The following VHL variants were observed in gnomAD, a reference collection of about 807,000 sequenced individuals.
VHL encodes the protein von Hippel-Lindau tumor suppressor.
Under a neutral mutation model 19.2 loss-of-function variants are expected in VHL, and 10 were observed. The ratio of observed to expected loss-of-function variants is 0.52; its 90% CI spans 0.32 to 0.89. The LOEUF (loss-of-function observed/expected upper bound fraction) is 0.89. Among genes scored for constraint, VHL ranks in the 40% least tolerant of loss-of-function variants. The pLI, the probability that VHL is intolerant of heterozygous loss-of-function variation, is 0.03. For missense variants in VHL, 328 were observed against 292.7 expected (o/e 1.12, Z -0.88); for synonymous variants, 167 against 129.5 (o/e 1.29, Z -1.97).
At position 10,141,921 on chromosome 3, in the gene VHL, C is replaced by T. The variant is rs35460768; in HGVS notation, c.74C>T (p.Pro25Leu). ...AEEAGVEEYG[P>L]EEDGGEESGA... is the part of the protein sequence containing the mutation. ...GAGGCAGGCGTCGAAGAGTACGGCC[C>T]TGAAGAAGACGGCGGGGAGGAGTCG... Residue 25 changes from proline to leucine, a missense_variant, in exon 1 of 3, where the codon CCT (proline) becomes CTT (leucine). By Grantham distance (98) the Pro-to-Leu change is moderately conservative. Transcript: ENST00000256474. 4.5e-3 allele frequency: 6,920 copies of T among 1,539,538 alleles called. 22 individuals carry two copies. The highest frequency in any genetic ancestry group is 5.4e-3 in the Non-Finnish European group (6,211 of 1,141,350).
intron 2 of VHL, among the ~76,000 whole-genome samples, chr3:10,149,442 T>C (rs1413804462): frequency 6.6e-6 from 1 of 152,218 alleles, no homozygotes; most frequent in Non-Finnish European, 1.5e-5. Flanking sequence ...GTGGTCTCTC[T>C]AGCAGGGTAG....
chr3:10,142,361 T>TTTC (rs1553619486), intron 1 of VHL, among the ~76,000 whole-genome samples, 174 bp downstream of exon 1: 2 of 149,500 alleles, frequency 1.3e-5, no homozygotes, highest in Non-Finnish European at 3.0e-5. Flanking sequence ...TTTTTTTTTT[T>TTTC]CTGAGACGGA....
chr3:10,146,151 C>G (rs1467637124), intron 1 of VHL, among the ~76,000 whole-genome samples: 1 of 150,342 alleles, frequency 6.7e-6, no homozygotes. Context: ...AAATAGGTGC[C>G]CTGACTCAGA....
intron 1 of VHL, 102 bp downstream of exon 1, chr3:10,142,289 C>T: frequency 1.5e-6 from 2 of 1,346,144 alleles, no homozygotes; most frequent in Non-Finnish European, 2.0e-6. Context: ...AACTGAGGCC[C>T]CTTGAGGCAG....
rs1205177414 is a variant in VHL, at chr3:10,153,608, T to G, written c.*3643T>G. Among the ~76,000 whole-genome samples, 2 of 31,162 alleles carry G rather than the reference T, an allele frequency of 6.4e-5. No individual in the cohort carries two copies. Among genetic ancestry groups the G allele is most frequent in the Admixed American group, 2.8e-4 (1 of 3,582 alleles). 20.4% of individuals were successfully genotyped at this position (31,162 alleles called of 152,430 possible). A position where few individuals can be genotyped will look rare whatever the true frequency, so the allele number is the denominator to read the frequency against. On this transcript the variant is annotated 3_prime_UTR_variant, in exon 3 of 3. Coordinates refer to ENST00000256474, the MANE Select transcript of VHL (RefSeq NM_000551.4). ...GTGAAGTTCCTATTTCAAGTTTTTTTTTTTTTTTTTTTTTTTAAAGCTGTT... is the reference window on the plus strand; with the variant it reads ...GTGAAGTTCCTATTTCAAGTTTTTTGTTTTTTTTTTTTTTTTAAAGCTGTT...
At chr3:10,149,526 C>T (rs1032857503) in intron 2 of VHL, among the ~76,000 whole-genome samples, 15 of 152,138 alleles carry the variant, frequency 9.9e-5, no homozygotes, top group Admixed American at 1.3e-4. Flanking sequence ...TTGCCAGTGT[C>T]GCTTCATCCA....
Position 10,142,007 on chromosome 3 carries a change from A to T in VHL, c.160A>T (p.Met54Leu), listed in dbSNP as rs1696125033. The T allele has an allele frequency of 1.3e-6, 2 of 1,587,026 alleles. No homozygotes were observed. The highest frequency in any genetic ancestry group is 1.7e-6 in the Non-Finnish European group (2 of 1,168,276). ...GPEELGAEEE[M>L]EAGRPRPVLR... ...GGAGGAACTGGGCGCCGAGGAGGAGATGGAGGCCGGGCGGCCGCGGCCCGT... is the reference window on the plus strand; with the variant it reads ...GGAGGAACTGGGCGCCGAGGAGGAGTTGGAGGCCGGGCGGCCGCGGCCCGT... Residue 54 changes from methionine (M) to leucine (L), a missense_variant, in exon 1 of 3, where the codon ATG (methionine) becomes TTG (leucine). Physicochemically the swap from Met to Leu is conservative, Grantham distance 15 (BLOSUM62 2). Coordinates refer to ENST00000256474, the MANE Select transcript of VHL (RefSeq NM_000551.4).
intron 2 of VHL, among the ~76,000 whole-genome samples, chr3:10,147,886 G>A (rs958907012): frequency 6.6e-6 from 1 of 151,974 alleles, no homozygotes; most frequent in Non-Finnish European, 1.5e-5. Flanking sequence ...GAGACCAGGA[G>A]TTCTTGACCA....
chr3:10,153,092 C>T lies in VHL; in HGVS notation c.*3127C>T, dbSNP rs964784624. On this transcript the variant is annotated 3_prime_UTR_variant, in exon 3 of 3. Coordinates refer to ENST00000256474, the MANE Select transcript of VHL (RefSeq NM_000551.4). Reference sequence around the variant, plus strand: ...GAAATCGAGACCATCCTGGCTAACACGGGTGAAACCCCGTCTCTATTAAAA... The same window carrying T: ...GAAATCGAGACCATCCTGGCTAACATGGGTGAAACCCCGTCTCTATTAAAA... Among the ~76,000 whole-genome samples the T allele has an allele frequency of 3.9e-5, 6 of 151,988 alleles. No individual in the cohort carries two copies. The highest frequency in any genetic ancestry group is 2.1e-4 in the South Asian group (1 of 4,828).
rs757151154 is a variant in VHL at position 10,142,207 on chromosome 3, G to A, written c.340+20G>A. 28 of 1,593,034 alleles carry A rather than the reference G, an allele frequency of 1.8e-5. No homozygotes were observed. The highest frequency in any genetic ancestry group is 4.0e-5 in the African/African-American group (3 of 74,818). On this transcript the variant is annotated intron_variant, in intron 1 of 2. Transcript: ENST00000256474. ...ACCGAGGTACGGGCCCGGCGCTTAG[G>A]CCCGACCCAGCAGGGACGATAGCAC... is the stretch of plus-strand genomic sequence containing the variant.
intron 2 of VHL, 57 bp from the exon 3 acceptor site, chr3:10,149,730 C>T (rs1330819277): frequency 6.7e-6 from 10 of 1,481,650 alleles, no homozygotes; most frequent in Admixed American, 1.7e-5. Flanking sequence ...GCCTCTTGTT[C>T]GTTCCTTGTA....
chr3:10,142,117 C>T lies in VHL; in HGVS notation c.270C>T (p.Asn90=), dbSNP rs2125125197. ...SPRVVLPVWL[N]FDGEPQPYPT... ...GCGTCGTGCTGCCCGTATGGCTCAA[C>T]TTCGACGGCGAGCCGCAGCCCTACC... The change falls in exon 1 of 3, where the codon AAC becomes AAT. Residue 90 remains asparagine, a synonymous_variant. Coordinates refer to ENST00000256474, the MANE Select transcript of VHL (RefSeq NM_000551.4). The T allele has an allele frequency of 1.2e-6, 2 of 1,601,736 alleles. No individual in the cohort carries two copies. Among genetic ancestry groups the T allele is most frequent in the East Asian group, 4.5e-5 (2 of 44,852 alleles).
rs1453502457 is a variant in VHL at position 10,148,536 on chromosome 3, G to A, written c.464-1251G>A. On this transcript the variant is annotated intron_variant, in intron 2 of 2. Coordinates refer to ENST00000256474, the MANE Select transcript of VHL (RefSeq NM_000551.4). ...TCACCGTTTTAGCCGGGATGGTCTCGATCTCCTGACCTCGTGATCCGCCCG... is the reference window on the plus strand; with the variant it reads ...TCACCGTTTTAGCCGGGATGGTCTCAATCTCCTGACCTCGTGATCCGCCCG... 1.3e-4 allele frequency among the ~76,000 whole-genome samples: 19 copies of A among 151,238 alleles called. 1 individual carries two copies. The highest frequency in any genetic ancestry group is 2.0e-4 in the African/African-American group (8 of 40,986).
intron 1 of VHL, among the ~76,000 whole-genome samples, chr3:10,143,406 G>T (rs948607040): frequency 6.6e-6 from 1 of 152,290 alleles, no homozygotes; most frequent in Non-Finnish European, 1.5e-5. Flanking sequence ...TGAGATTACA[G>T]GTGTAAGCCA....
chr3:10,143,908 A>C (rs1299514290), intron 1 of VHL, among the ~76,000 whole-genome samples: 1 of 152,220 alleles, frequency 6.6e-6, no homozygotes, highest in African/African-American at 2.4e-5. Context: ...GCCTTACCTA[A>C]GGTGCAGGCA....
chr3:10,145,333 A>G (rs750873524), intron 1 of VHL, among the ~76,000 whole-genome samples: 2 of 152,174 alleles, frequency 1.3e-5, no homozygotes, highest in Non-Finnish European at 2.9e-5. Flanking sequence ...TTATTCTAAG[A>G]CAACCTCCTC....
Position 10,153,601 on chromosome 3 carries a change from GTTTTT to G in VHL, c.*3655_*3659del, listed in dbSNP as rs67891117. 3.6e-5 allele frequency among the ~76,000 whole-genome samples: 1 copy of G among 28,098 alleles called. No individual in the cohort carries two copies. Among genetic ancestry groups the G allele is most frequent in the Non-Finnish European group, 6.5e-5 (1 of 15,456 alleles). 18.4% of individuals were successfully genotyped at this position (28,098 alleles called of 152,430 possible). On this transcript the variant is annotated 3_prime_UTR_variant, in exon 3 of 3. Transcript: ENST00000256474. ...AGAGACGGTGAAGTTCCTATTTCAA[GTTTTT>G]TTTTTTTTTTTTTTTTTTAAAGCTG...
Position 10,150,870 on chromosome 3 carries a change from G to A in VHL, c.*905G>A. ...ATATGTGACATTCCTGATTGATTTG[G>A]GTTTTTTTGTTGTTGTTGTTTTGTT... On this transcript the variant is annotated 3_prime_UTR_variant, in exon 3 of 3. Transcript: ENST00000256474. 4.4e-6 allele frequency: 1 copy of A among 228,520 alleles called. No homozygotes were observed. Among genetic ancestry groups the A allele is most frequent in the East Asian group, 6.2e-5 (1 of 16,040 alleles). 14.2% of individuals were successfully genotyped at this position (228,520 alleles called of 1,614,324 possible). A position where few individuals can be genotyped will look rare whatever the true frequency, so the allele number is the denominator to read the frequency against.
At chr3:10,146,770 T>A in intron 2 of VHL, 134 bp downstream of exon 2, 1 of 1,160,994 alleles carries the variant, frequency 8.6e-7, no homozygotes, top group Non-Finnish European at 1.3e-6. Context: ...TATCCTATTC[T>A]CTACCATAAA....
Sources: allele counts gnomAD v4.1 joint callset (sites outside exome capture counted in the v4.1 genomes callset), GRCh38; gene constraint gnomAD v4.1.1; transcripts MANE v1.5; gene names NCBI Gene and HGNC (gene_info 2026-07-23, HGNC 2026-07-21).